Variants in PTPRD observed in about 807,000 individuals in gnomAD.
The protein encoded by PTPRD is protein tyrosine phosphatase receptor type D.
Under a neutral mutation model 214.5 loss-of-function variants are expected in PTPRD, and 34 were observed. The observed-to-expected ratio is 0.16, with a 90% confidence interval of 0.12 to 0.21. The LOEUF is 0.21. Ranked by LOEUF, PTPRD falls within the 10% of genes least tolerant of loss-of-function variation. The pLI is 1.00. For synonymous variants in PTPRD, 1,128 were observed against 845.7 expected (o/e 1.33, Z -5.79); for missense variants, 2,545 against 2,398.7 (o/e 1.06, Z -1.27).
intron 11 of PTPRD, among the ~76,000 whole-genome samples, chr9:9,016,752 G>A (rs1362037529): frequency 1.3e-5 from 2 of 152,148 alleles, no homozygotes; most frequent in Non-Finnish European, 2.9e-5. Flanking sequence ...CTTGCAGGGA[G>A]CTAGAACCCA....
At chr9:9,088,715 G>C (rs1306227307) in intron 10 of PTPRD, among the ~76,000 whole-genome samples, 2 of 151,212 alleles carry the variant, frequency 1.3e-5, no homozygotes, top group South Asian at 2.1e-4. Context: ...GCCTTGCCTA[G>C]CTTGCTGAGA....
chr9:9,531,739 T>C (rs1478970143), intron 8 of PTPRD, among the ~76,000 whole-genome samples: 2 of 152,106 alleles, frequency 1.3e-5, no homozygotes, highest in Non-Finnish European at 2.9e-5. Context: ...GTGCTCAAGG[T>C]TTTGTTTGAA....
At chr9:9,850,139 A>C (rs1484690934) in intron 5 of PTPRD, among the ~76,000 whole-genome samples, 1 of 152,084 alleles carries the variant, frequency 6.6e-6, no homozygotes, top group Non-Finnish European at 1.5e-5. Flanking sequence ...TTAGACCAAA[A>C]AGTTACCACT....
intron 8 of PTPRD, among the ~76,000 whole-genome samples, chr9:9,494,916 C>T (rs1037513455): frequency 1.3e-5 from 2 of 152,142 alleles, no homozygotes; most frequent in African/African-American, 2.4e-5. Context: ...TAAAAACATA[C>T]TGCAAAGCTA....
intron 7 of PTPRD, among the ~76,000 whole-genome samples, chr9:9,655,767 C>G (rs971654404): frequency 6.6e-6 from 1 of 151,834 alleles, no homozygotes; most frequent in African/African-American, 2.4e-5. Flanking sequence ...CACCTGAGGT[C>G]AGGAGTTTGA....
Position 10,090,549 on chromosome 9 carries a change from T to C in PTPRD, c.-544-56759A>G, listed in dbSNP as rs74867082. 2.0e-5 allele frequency among the ~76,000 whole-genome samples: 3 copies of C among 151,184 alleles called. No homozygotes were observed. The East Asian group carries it at 5.9e-4, about 30-fold the overall frequency. ...TAGTCAAATATTTTCATTTGATACA[T>C]ATTTTTAATGTATTTTAATGTATTT... On this transcript the variant is annotated intron_variant, in intron 3 of 45. Coordinates refer to ENST00000381196, the MANE Select transcript of PTPRD (RefSeq NM_002839.4).
At chr9:9,019,063 T>G (rs985709628) in intron 10 of PTPRD, among the ~76,000 whole-genome samples, 1 of 152,126 alleles carries the variant, frequency 6.6e-6, no homozygotes, top group Non-Finnish European at 1.5e-5. Context: ...TCAAGTATCA[T>G]TCAATAAAAA....
chr9:10,040,934 G>A (rs924301838), intron 3 of PTPRD, among the ~76,000 whole-genome samples: 9 of 152,004 alleles, frequency 5.9e-5, no homozygotes, highest in African/African-American at 2.2e-4. Context: ...CAAATTTACT[G>A]TAATGTGGGT....
rs1380554882 is a variant in PTPRD at position 8,919,826 on chromosome 9, ACATGCATACATACGTGCATGTAT to A, written c.-104+98848_-104+98870del. Among the ~76,000 whole-genome samples, 148 of 152,324 alleles carry A rather than the reference ACATGCATACATACGTGCATGTAT, an allele frequency of 9.7e-4. 1 individual carries two copies. Among genetic ancestry groups the A allele is most frequent in the African/African-American group, 3.0e-3 (126 of 41,578 alleles). On this transcript the variant is annotated intron_variant, in intron 11 of 45. Transcript: ENST00000381196. ...TGCAAGTGCACATACATGCACCCATACATGCATACATACGTGCATGTATCATGCATACATAGATGTACATGCAT... is the reference window on the plus strand; with the variant it reads ...TGCAAGTGCACATACATGCACCCATACATGCATACATAGATGTACATGCAT...
At chr9:9,699,267 G>A (rs1477455848) in intron 7 of PTPRD, among the ~76,000 whole-genome samples, 1 of 151,744 alleles carries the variant, frequency 6.6e-6, no homozygotes, top group Non-Finnish European at 1.5e-5. Context: ...AGACCTAGGT[G>A]TTTTTTCAAG....
At chr9:8,869,861 G>A (rs1430328193) in intron 11 of PTPRD, among the ~76,000 whole-genome samples, 1 of 152,010 alleles carries the variant, frequency 6.6e-6, no homozygotes, top group African/African-American at 2.4e-5. Flanking sequence ...CTAGCTGCTG[G>A]CACTGGTAGG....
chr9:9,278,710 G>C (rs1946567934), intron 9 of PTPRD, among the ~76,000 whole-genome samples: 1 of 151,298 alleles, frequency 6.6e-6, no homozygotes, highest in African/African-American at 2.4e-5. Context: ...CAGACCTGCG[G>C]AATTCTCTGA....
chr9:9,733,656 A>G (rs2098239710), intron 7 of PTPRD, among the ~76,000 whole-genome samples: 1 of 152,142 alleles, frequency 6.6e-6, no homozygotes, highest in African/African-American at 2.4e-5. Context: ...GGAGTACAAG[A>G]TTGTATTTCT....
At chr9:9,592,967 C>T (rs1057479022) in intron 7 of PTPRD, among the ~76,000 whole-genome samples, 2 of 151,918 alleles carry the variant, frequency 1.3e-5, no homozygotes, top group African/African-American at 4.8e-5. Flanking sequence ...ATCACTTGAA[C>T]CTGGGAGGTG....
chr9:8,544,916 G>C (rs915070841), intron 14 of PTPRD, among the ~76,000 whole-genome samples: 9 of 83,698 alleles, frequency 1.1e-4, no homozygotes, highest in African/African-American at 4.3e-4. Flanking sequence ...TTTTTTAATT[G>C]TCAGGAGGCA....
At chr9:9,494,109 G>A (rs1465635123) in intron 8 of PTPRD, among the ~76,000 whole-genome samples, 1 of 152,156 alleles carries the variant, frequency 6.6e-6, no homozygotes, top group Non-Finnish European at 1.5e-5. Flanking sequence ...GCTGGAAGAT[G>A]TAACTGAACT....
At chr9:9,783,086 T>C (rs376489661) in intron 5 of PTPRD, among the ~76,000 whole-genome samples, 1 of 152,186 alleles carries the variant, frequency 6.6e-6, no homozygotes, top group African/African-American at 2.4e-5. Context: ...TTATCAGTGA[T>C]TTTCATTCCT....
intron 43 of PTPRD, among the ~76,000 whole-genome samples, chr9:8,333,901 T>G (rs906362041): frequency 6.6e-6 from 1 of 151,712 alleles, no homozygotes; most frequent in East Asian, 1.9e-4. Flanking sequence ...ATAAAACTGA[T>G]GACTTTAAAC....
chr9:10,371,404 T>C (rs2154477799), intron 2 of PTPRD, among the ~76,000 whole-genome samples: 1 of 152,192 alleles, frequency 6.6e-6, no homozygotes, highest in Middle Eastern at 3.4e-3. Flanking sequence ...ACTGTTTCGC[T>C]CTATTTTTAC....
Sources: allele counts gnomAD v4.1 joint callset (sites outside exome capture counted in the v4.1 genomes callset), GRCh38; gene constraint gnomAD v4.1.1; transcripts MANE v1.5; gene names NCBI Gene and HGNC (gene_info 2026-07-23, HGNC 2026-07-21).